SCRN1: variants seen among roughly 807,000 people sequenced by gnomAD.
SCRN1 encodes the protein secernin 1, also known as secernin-1.
A neutral mutation model predicts 43.3 loss-of-function variants in SCRN1; 19 were observed. The observed-to-expected ratio is 0.44, with a 90% CI of 0.31 to 0.64. SCRN1 has a LOEUF of 0.64. Among genes scored for constraint, SCRN1 ranks in the 30% least tolerant of loss-of-function variants. The pLI, the probability that SCRN1 is intolerant of heterozygous loss-of-function variation, is 0.09. For synonymous variants in SCRN1, 183 were observed against 188.9 expected, an observed-to-expected ratio of 0.97 and a Z score of 0.26; for missense variants, 447 against 524.1, an observed-to-expected ratio of 0.85 and a Z score of 1.44.
Position 29,953,621 on chromosome 7 carries a change from G to C in SCRN1, c.341+1558C>G, listed in dbSNP as rs564441748. Among the ~76,000 whole-genome samples the C allele has an allele frequency of 2.0e-5, 3 of 152,104 alleles. No individual in the cohort carries two copies. The South Asian group carries it at 6.2e-4, about 32-fold the overall frequency. On this transcript the variant is annotated intron_variant, in intron 3 of 7. Coordinates refer to ENST00000242059, the MANE Select transcript of SCRN1 (RefSeq NM_014766.5). ...TATATATAACTGGTTTTTAAAAACT[G>C]GCTTTTTCTGCCTTTTCCCCAGCTC...
chr7:29,979,739 A>G (rs1036075289), intron 1 of SCRN1, among the ~76,000 whole-genome samples: 8 of 152,200 alleles, frequency 5.3e-5, no homozygotes, highest in African/African-American at 1.7e-4. Flanking sequence ...GAAAGAGGAG[A>G]GATTAATGGA....
At chr7:29,987,351 T>C (rs1789193823) in intron 1 of SCRN1, among the ~76,000 whole-genome samples, 1 of 152,224 alleles carries the variant, frequency 6.6e-6, no homozygotes, top group Admixed American at 6.5e-5. Context: ...AAAGTTATGT[T>C]TACAATAGGC....
intron 3 of SCRN1, among the ~76,000 whole-genome samples, chr7:29,946,350 A>G (rs1336413983): frequency 6.6e-6 from 1 of 152,164 alleles, no homozygotes. Flanking sequence ...CGTTGTACAC[A>G]CTCGAAGGCC....
intron 6 of SCRN1, among the ~76,000 whole-genome samples, chr7:29,928,734 G>A (rs921435667): frequency 6.6e-6 from 1 of 152,130 alleles, no homozygotes; most frequent in Non-Finnish European, 1.5e-5. Context: ...AGCTACCCTT[G>A]CACAGAAGGA....
At chr7:29,952,416 G>A (rs986750166) in intron 3 of SCRN1, among the ~76,000 whole-genome samples, 1 of 152,210 alleles carries the variant, frequency 6.6e-6, no homozygotes, top group Non-Finnish European at 1.5e-5. Context: ...GGGGTGGGAT[G>A]TGGTGGTCCA....
intron 6 of SCRN1, among the ~76,000 whole-genome samples, chr7:29,928,752 C>T (rs1787059495): frequency 6.6e-6 from 1 of 152,226 alleles, no homozygotes; most frequent in South Asian, 2.1e-4. Flanking sequence ...GGAACACACA[C>T]TTCCACTTCC....
At chr7:29,937,722 T>C (rs977597735) in intron 5 of SCRN1, among the ~76,000 whole-genome samples, 2 of 152,214 alleles carry the variant, frequency 1.3e-5, no homozygotes, top group Non-Finnish European at 2.9e-5. Flanking sequence ...GATAAATGGA[T>C]AAACAAATCC....
intron 1 of SCRN1, among the ~76,000 whole-genome samples, chr7:29,987,920 G>GC (rs1192765768): frequency 6.6e-6 from 1 of 152,144 alleles, no homozygotes; most frequent in South Asian, 2.1e-4. Flanking sequence ...CTCCACCTCT[G>GC]CCCCCCGACC....
chr7:29,986,718 T>A (rs1184951299), intron 1 of SCRN1, among the ~76,000 whole-genome samples: 11 of 56,944 alleles, frequency 1.9e-4, no homozygotes, highest in African/African-American at 7.2e-4. Flanking sequence ...ATTTTTTTAA[T>A]TTTTTTTTTT....
intron 1 of SCRN1, among the ~76,000 whole-genome samples, chr7:29,984,724 C>A (rs1043063930): frequency 4.0e-5 from 6 of 150,326 alleles, no homozygotes; most frequent in Non-Finnish European, 5.9e-5. Flanking sequence ...AGCTCGAGAC[C>A]AGCCTGGCCA....
In SCRN1 at chr7:29,950,911, T is replaced by C. The variant is rs1787898385; in HGVS notation, c.341+4268A>G. Among the ~76,000 whole-genome samples the C allele has an allele frequency of 6.6e-6, 1 of 152,198 alleles. No homozygotes were observed. Among genetic ancestry groups the C allele is most frequent in the African/African-American group, 2.4e-5 (1 of 41,448 alleles). ...ACCTTGCTCACTCTCCAGCTGTCCA[T>C]GTATCTCACTCTTCCTGAACATGGG... On this transcript the variant is annotated intron_variant, in intron 3 of 7. Transcript: ENST00000242059. The surrounding 1 kb of genome is among the most constrained non-coding windows in gnomAD (Gnocchi z 4.5).
At position 29,933,314 on chromosome 7, in the gene SCRN1, C is replaced by A. The variant is rs891827028; in HGVS notation, c.905+3242G>T. ...GCCAATTTCTGTAGTGTAAATACCC[C>A]CACTGTGGCCCATTTCAAGGGGCCA... is the stretch of plus-strand genomic sequence containing the variant. On this transcript the variant is annotated intron_variant, in intron 6 of 7. Transcript: ENST00000242059. 5.9e-4 allele frequency among the ~76,000 whole-genome samples: 90 copies of A among 152,166 alleles called. 1 individual carries two copies. The highest frequency in any genetic ancestry group is 6.5e-4 in the Admixed American group (10 of 15,278).
chr7:29,936,876 C>A (rs1787353241), intron 5 of SCRN1, among the ~76,000 whole-genome samples, 155 bp from the exon 6 acceptor site: 1 of 152,108 alleles, frequency 6.6e-6, no homozygotes, highest in Admixed American at 6.5e-5. Flanking sequence ...GAAACCCCGT[C>A]TGTACTAAAA....
chr7:29,989,877 C>A (rs532256519), upstream of SCRN1: 16 of 1,030,302 alleles, frequency 1.6e-5, no homozygotes, highest in South Asian at 2.1e-4. Flanking sequence ...CCGCCTCCCC[C>A]ACCCCGGCCC....
At chr7:29,946,412 T>C (rs923254246) in intron 3 of SCRN1, among the ~76,000 whole-genome samples, 1 of 152,242 alleles carries the variant, frequency 6.6e-6, no homozygotes, top group Non-Finnish European at 1.5e-5. Flanking sequence ...CAATGCCTCA[T>C]ACAGACATTC....
Position 29,969,251 on chromosome 7 carries a change from C to T in SCRN1, c.-1-183G>A, listed in dbSNP as rs144722865. 242 of 633,712 alleles carry T rather than the reference C, an allele frequency of 3.8e-4. No individual in the cohort carries two copies. The East Asian group carries it at 6.1e-3, about 16-fold the overall frequency. 39.3% of individuals were successfully genotyped at this position (633,712 alleles called of 1,614,324 possible). Reference sequence around the variant, plus strand: ...GCCTGCAGTGGAATGACAGAGCCACCGAGACCAGATATTGTTTAATACTCT... The same window carrying T: ...GCCTGCAGTGGAATGACAGAGCCACTGAGACCAGATATTGTTTAATACTCT... On this transcript the variant is annotated intron_variant, in intron 1 of 7. Transcript: ENST00000242059.
At chr7:29,924,700 A>T (rs138548232) in intron 7 of SCRN1, among the ~76,000 whole-genome samples, 41 of 152,224 alleles carry the variant, frequency 2.7e-4, no homozygotes, top group African/African-American at 9.4e-4. Context: ...GGGCACTCTC[A>T]AAAAATGTTC....
chr7:29,935,266 G>A (rs534434811), intron 6 of SCRN1, among the ~76,000 whole-genome samples: 16 of 152,282 alleles, frequency 1.1e-4, no homozygotes, highest in Admixed American at 9.1e-4. Context: ...TAAAAAATGA[G>A]GCCAAAGGGT....
rs1164754771 is a variant in SCRN1 at position 29,969,063 on chromosome 7, G to C, written c.5C>G (p.Ala2Gly). M[A>G]AAPPSYCFVA... is the part of the protein sequence containing the mutation. ...AAAACAGTAACTTGGAGGAGCTGCA[G>C]CCATCCTGAAAAGAGAATGCCAGCA... Residue 2 changes from alanine (A) to glycine (G), a missense_variant, in exon 2 of 8, where the codon GCT (alanine) becomes GGT (glycine). Ala to Gly is a moderately conservative substitution (Grantham distance 60, BLOSUM62 0). Coordinates refer to ENST00000242059, the MANE Select transcript of SCRN1 (RefSeq NM_014766.5). 6.2e-7 allele frequency: 1 copy of C among 1,612,314 alleles called. No individual in the cohort carries two copies. Among genetic ancestry groups the C allele is most frequent in the African/African-American group, 1.3e-5 (1 of 74,870 alleles).
Sources: allele counts gnomAD v4.1 joint callset (sites outside exome capture counted in the v4.1 genomes callset), GRCh38; gene constraint gnomAD v4.1.1; non-coding constraint Gnocchi (gnomAD v3.1); transcripts MANE v1.5; gene names NCBI Gene and HGNC (gene_info 2026-07-23, HGNC 2026-07-21).